PLXNA2: variants seen among roughly 807,000 people sequenced by gnomAD.
PLXNA2 encodes plexin A2, also known as plexin-A2.
In PLXNA2, 91 loss-of-function variants were observed where a neutral mutation model predicts 193.5. The ratio of observed to expected loss-of-function variants is 0.47; its 90% CI spans 0.40 to 0.56. The LOEUF is 0.56. Among genes scored for constraint, PLXNA2 ranks in the 20% least tolerant of loss-of-function variants. The pLI is 0.00. For missense variants in PLXNA2, 1,995 were observed against 2,503.2 expected, an observed-to-expected ratio of 0.80 and a Z score of 4.33; for synonymous variants, 997 against 1,027.3, an observed-to-expected ratio of 0.97 and a Z score of 0.56.
At chr1:208,208,170 TCTC>T (rs1283035268) in intron 3 of PLXNA2, among the ~76,000 whole-genome samples, 1 of 152,208 alleles carries the variant, frequency 6.6e-6, no homozygotes, top group Non-Finnish European at 1.5e-5. Flanking sequence ...TTTATTCACT[TCTC>T]ATCCATCCAT....
At chr1:208,040,559 T>C (rs941956854) in intron 22 of PLXNA2, among the ~76,000 whole-genome samples, 1 of 152,230 alleles carries the variant, frequency 6.6e-6, no homozygotes, top group African/African-American at 2.4e-5. Context: ...ATCCTGATTC[T>C]GCCATACGTT....
chr1:208,038,117 A>G lies in PLXNA2; in HGVS notation c.4764+254T>C, dbSNP rs1170193943. Among the ~76,000 whole-genome samples, 1 of 152,208 alleles carries G rather than the reference A, an allele frequency of 6.6e-6. No individual in the cohort carries two copies. The highest frequency in any genetic ancestry group is 2.4e-5 in the African/African-American group (1 of 41,446). ...TTGCAAATGTAGAGGTACACAGAAT[A>G]GAAATGCCTAGGCCTTACCCCAGAC... On this transcript the variant is annotated intron_variant, in intron 26 of 31. Coordinates refer to ENST00000367033, the MANE Select transcript of PLXNA2 (RefSeq NM_025179.4). The surrounding 1 kb of genome is among the most constrained non-coding windows in gnomAD (Gnocchi z 4.1).
intron 12 of PLXNA2, among the ~76,000 whole-genome samples, chr1:208,065,153 G>A (rs924650454): frequency 3.9e-5 from 6 of 152,166 alleles, no homozygotes; most frequent in Non-Finnish European, 8.8e-5. Context: ...GAGAGGCTGC[G>A]GTGGAGTCAT....
intron 2 of PLXNA2, among the ~76,000 whole-genome samples, chr1:208,213,341 T>G (rs572684873): frequency 6.6e-6 from 1 of 152,300 alleles, no homozygotes; most frequent in East Asian, 1.9e-4. Flanking sequence ...AAGGGCTCAA[T>G]AGAGAGAGAC....
Position 208,103,211 on chromosome 1 carries a change from T to C in PLXNA2, c.1543A>G (p.Thr515Ala), listed in dbSNP as rs1459739485. The change falls in exon 5 of 32, where the codon ACG becomes GCG. Residue 515 changes from threonine to alanine, a missense_variant. Coordinates refer to ENST00000367033, the MANE Select transcript of PLXNA2 (RefSeq NM_025179.4). ...GAGCTCAGGCACTCCCCACAAGTCGTATACTGCTCACATGACTCCACGGGG... is the reference window on the plus strand; with the variant it reads ...GAGCTCAGGCACTCCCCACAAGTCGCATACTGCTCACATGACTCCACGGGG... ...RVPVESCEQY[T>A]TCGECLSSGD... 1.2e-6 allele frequency: 2 copies of C among 1,614,128 alleles called. No individual in the cohort carries two copies. Among genetic ancestry groups the C allele is most frequent in the East Asian group, 2.2e-5 (1 of 44,878 alleles).
rs1671856702 is a variant in PLXNA2, at chr1:208,236,476, C to T, written c.-81+7167G>A. On this transcript the variant is annotated intron_variant, in intron 1 of 31. Coordinates refer to ENST00000367033, the MANE Select transcript of PLXNA2 (RefSeq NM_025179.4). This position sits in a 1 kb window ranked among gnomAD's most constrained non-coding sequence, Gnocchi z 4.4. The stretch of plus-strand genomic sequence containing the variant: ...GCAGGGCTTTTCTACACACCCCTTC[C>T]TCTGCTCCTGAACCTTCCACCCTCT... Among the ~76,000 whole-genome samples the T allele has an allele frequency of 6.6e-6, 1 of 152,196 alleles. No homozygotes were observed. Among genetic ancestry groups the T allele is most frequent in the South Asian group, 2.1e-4 (1 of 4,826 alleles).
intron 3 of PLXNA2, among the ~76,000 whole-genome samples, chr1:208,204,582 C>T (rs1407120043): frequency 6.6e-6 from 1 of 152,236 alleles, no homozygotes; most frequent in African/African-American, 2.4e-5. Context: ...TCGCAACCAA[C>T]CACATCAACA....
At chr1:208,224,550 A>AGG (rs1284431592) in intron 1 of PLXNA2, among the ~76,000 whole-genome samples, 15 of 152,268 alleles carry the variant, frequency 9.9e-5, no homozygotes, top group African/African-American at 3.6e-4. Flanking sequence ...GGAGAGAAAG[A>AGG]ATTTCCTATG....
At chr1:208,027,391 C>G (rs985049608) in intron 31 of PLXNA2, 53 bp from the exon 32 acceptor site, 12 of 1,485,436 alleles carry the variant, frequency 8.1e-6, no homozygotes, top group Middle Eastern at 1.7e-4. Context: ...ATAGAAGACA[C>G]CATTTTCTGG....
chr1:208,150,402 AG>A (rs1668721980), intron 3 of PLXNA2, among the ~76,000 whole-genome samples: 1 of 152,148 alleles, frequency 6.6e-6, no homozygotes. Context: ...CCTGGATTTC[AG>A]GGGGCCAGGC....
At chr1:208,141,672 G>A (rs1668459601) in intron 4 of PLXNA2, among the ~76,000 whole-genome samples, 1 of 152,018 alleles carries the variant, frequency 6.6e-6, no homozygotes, top group South Asian at 2.1e-4. Flanking sequence ...TGCCTTCCCT[G>A]CTTCTCTTTC....
At chr1:208,123,808 CT>C (rs2102453468) in intron 4 of PLXNA2, among the ~76,000 whole-genome samples, 1 of 152,344 alleles carries the variant, frequency 6.6e-6, no homozygotes, top group East Asian at 1.9e-4. Context: ...GTTGGAGGAG[CT>C]TCTAATCTGG....
At chr1:208,105,141 C>T (rs1359542428) in intron 4 of PLXNA2, among the ~76,000 whole-genome samples, 1 of 152,206 alleles carries the variant, frequency 6.6e-6, no homozygotes. Flanking sequence ...CGTTGCTCAA[C>T]CAGAGATCCT....
In PLXNA2 at chr1:208,201,303, C is replaced by T. The variant is rs573582099; in HGVS notation, c.1371+8977G>A. 1.6e-4 allele frequency among the ~76,000 whole-genome samples: 24 copies of T among 152,286 alleles called. No homozygotes were observed. The South Asian group carries it at 2.3e-3, about 14-fold the overall frequency. On this transcript the variant is annotated intron_variant, in intron 3 of 31. Coordinates refer to ENST00000367033, the MANE Select transcript of PLXNA2 (RefSeq NM_025179.4). ...AATGGGCCTGTTTTAGTTAATTCTGCGAAGCTACAACAGGGCAACTGACAC... is the reference window on the plus strand; with the variant it reads ...AATGGGCCTGTTTTAGTTAATTCTGTGAAGCTACAACAGGGCAACTGACAC...
intron 12 of PLXNA2, 82 bp downstream of exon 12, chr1:208,079,178 G>A: frequency 8.3e-7 from 1 of 1,205,372 alleles, no homozygotes; most frequent in Non-Finnish European, 1.2e-6. Context: ...TGTCCACAGA[G>A]TCTCAATTTG....
chr1:208,023,610 A>T lies in PLXNA2; in HGVS notation c.*3633T>A, dbSNP rs1251182366. ...TCATCGCTGGGGGAATGGCCCCAGA[A>T]TAAGGTAAGGCAGCTGGGTTGGTCT... On this transcript the variant is annotated 3_prime_UTR_variant, in exon 32 of 32. Coordinates refer to ENST00000367033, the MANE Select transcript of PLXNA2 (RefSeq NM_025179.4). The T allele has an allele frequency of 6.5e-6, 1 of 152,706 alleles. No individual in the cohort carries two copies. Among genetic ancestry groups the T allele is most frequent in the Non-Finnish European group, 1.5e-5 (1 of 68,084 alleles). 9.5% of individuals were successfully genotyped at this position (152,706 alleles called of 1,614,324 possible). A position where few individuals can be genotyped will look rare whatever the true frequency, so the allele number is the denominator to read the frequency against.
intron 3 of PLXNA2, among the ~76,000 whole-genome samples, chr1:208,195,737 G>C (rs1572020252): frequency 6.6e-6 from 1 of 152,050 alleles, no homozygotes; most frequent in South Asian, 2.1e-4. Flanking sequence ...CAGCCCAGGG[G>C]TGTCTGCTGA....
At chr1:208,091,654 T>G (rs1199369445) in intron 9 of PLXNA2, among the ~76,000 whole-genome samples, 1 of 151,996 alleles carries the variant, frequency 6.6e-6, no homozygotes, top group Non-Finnish European at 1.5e-5. Context: ...GGGTGGATCA[T>G]GAGGTCAAGA....
chr1:208,038,696 G>A lies in PLXNA2; in HGVS notation c.4660+129C>T, dbSNP rs971039294. The A allele has an allele frequency of 1.0e-4, 103 of 1,012,692 alleles. No individual in the cohort carries two copies. Among genetic ancestry groups the A allele is most frequent in the Middle Eastern group, 6.4e-4 (3 of 4,662 alleles). 62.7% of individuals were successfully genotyped at this position (1,012,692 alleles called of 1,614,324 possible). The stretch of plus-strand genomic sequence containing the variant: ...CATCTGAACAGGCAGCGCTCAAAGC[G>A]GGAAGCATTTCACACGGGCCTCAGC... On this transcript the variant is annotated intron_variant, in intron 25 of 31. Coordinates refer to ENST00000367033, the MANE Select transcript of PLXNA2 (RefSeq NM_025179.4). This position sits in a 1 kb window ranked among gnomAD's most constrained non-coding sequence, Gnocchi z 4.1.
Sources: allele counts gnomAD v4.1 joint callset (sites outside exome capture counted in the v4.1 genomes callset), GRCh38; gene constraint gnomAD v4.1.1; non-coding constraint Gnocchi (gnomAD v3.1); transcripts MANE v1.5; gene names NCBI Gene and HGNC (gene_info 2026-07-23, HGNC 2026-07-21).